Variants in CLMP observed in about 807,000 individuals in gnomAD.
The protein encoded by CLMP is CXADR like cell adhesion molecule.
CLMP carries 27 observed loss-of-function variants against 45.2 expected under a neutral mutation model. The ratio of observed to expected loss-of-function variants is 0.60; its 90% confidence interval spans 0.44 to 0.82. The LOEUF (loss-of-function observed/expected upper bound fraction) is 0.82, where lower values mean the gene tolerates loss of function less well. Among genes scored for constraint, CLMP ranks in the 40% least tolerant of loss-of-function variants. The probability of loss-of-function intolerance (pLI) is 0.00; values close to 1 mark genes in which losing one functional copy is unlikely to be tolerated. For missense variants in CLMP, 403 were observed against 448.4 expected, an observed-to-expected ratio of 0.90 and a Z score of 0.91; for synonymous variants, 167 against 171.4, an observed-to-expected ratio of 0.97 and a Z score of 0.20.
chr11:123,128,881 T>C (rs1415861686), intron 1 of CLMP, among the ~76,000 whole-genome samples: 1 of 152,122 alleles, frequency 6.6e-6, no homozygotes, highest in Non-Finnish European at 1.5e-5. Flanking sequence ...CACAACCCCA[T>C]ACAATAGGTA....
rs1246871004 is a variant in CLMP at position 123,152,456 on chromosome 11, G to A, written c.28+42457C>T. The stretch of plus-strand genomic sequence containing the variant: ...GAGAATCACTTGAACCCGGGAGGTA[G>A]AGGTTGCAGTGAGCCGAGATCGTGC... On this transcript the variant is annotated intron_variant, in intron 1 of 6. Transcript: ENST00000448775. Among the ~76,000 whole-genome samples the A allele has an allele frequency of 4.6e-5, 7 of 152,144 alleles. No individual in the cohort carries two copies. The East Asian group carries it at 9.7e-4, about 21-fold the overall frequency.
At chr11:123,123,282 C>CA (rs1169138488) in intron 1 of CLMP, among the ~76,000 whole-genome samples, 3 of 106,324 alleles carry the variant, frequency 2.8e-5, no homozygotes, top group African/African-American at 4.1e-5. Context: ...TTTTTTAAGA[C>CA]AGAGTCTTGC....
chr11:123,110,252 G>C (rs1238019012), intron 1 of CLMP, among the ~76,000 whole-genome samples: 1 of 151,988 alleles, frequency 6.6e-6, no homozygotes, highest in Admixed American at 6.6e-5. Flanking sequence ...TCAGGAGTTC[G>C]AGACCAGCCT....
In CLMP at chr11:123,070,003, C is replaced by T. The variant is rs144205277; in HGVS notation, c.*3471G>A. 4 of 152,166 alleles carry T rather than the reference C, an allele frequency of 2.6e-5. No individual in the cohort carries two copies. Among genetic ancestry groups the T allele is most frequent in the African/African-American group, 9.7e-5 (4 of 41,444 alleles). The allele number at this position is 152,166 out of a possible 1,614,324, so 9.4% of individuals were successfully genotyped here. ...GTTAAAACTGAAACTGAAATATAAA[C>T]AGCTTAACACCAGAAGGAAGCAAAA... On this transcript the variant is annotated 3_prime_UTR_variant, in exon 7 of 7. Transcript: ENST00000448775.
At chr11:123,129,754 C>G (rs964063682) in intron 1 of CLMP, among the ~76,000 whole-genome samples, 2 of 148,330 alleles carry the variant, frequency 1.3e-5, no homozygotes, top group Non-Finnish European at 3.0e-5. Context: ...CATTTGACCA[C>G]TTTATCTTAT....
intron 1 of CLMP, among the ~76,000 whole-genome samples, chr11:123,167,877 G>C (rs1322020560): frequency 2.6e-5 from 4 of 152,224 alleles, no homozygotes; most frequent in African/African-American, 9.6e-5. Flanking sequence ...AAGGAAGCTT[G>C]TGTGGATGAG....
rs568423818 is a variant in CLMP, at chr11:123,098,045, G to A, written c.29-93C>T. ...CAACAAAGAATTATGGGATGTTCCCGTGGGCAAGTGCATGTGGAGGGGTTG... is the reference window on the plus strand; with the variant it reads ...CAACAAAGAATTATGGGATGTTCCCATGGGCAAGTGCATGTGGAGGGGTTG... On this transcript the variant is annotated intron_variant, in intron 1 of 6. Transcript: ENST00000448775. 103 of 1,094,838 alleles carry A rather than the reference G, an allele frequency of 9.4e-5. 1 individual carries two copies. In the African/African-American group the frequency reaches 1.4e-3, roughly 15 times the overall value. The allele number at this position is 1,094,838 out of a possible 1,614,324, so 67.8% of individuals were successfully genotyped here.
At position 123,129,358 on chromosome 11, in the gene CLMP, G is replaced by GAT. The variant is rs1466778057; in HGVS notation, c.29-31408_29-31407dup. ...TACATATATATAAAATATATCATAT[G>GAT]ATATATTATATAAAATATATATCAT... On this transcript the variant is annotated intron_variant, in intron 1 of 6. Transcript: ENST00000448775. Among the ~76,000 whole-genome samples, 4 of 115,968 alleles carry GAT rather than the reference G, an allele frequency of 3.4e-5. No individual in the cohort carries two copies. In the East Asian group the frequency reaches 6.9e-4, roughly 20 times the overall value. 76.1% of individuals were successfully genotyped at this position (115,968 alleles called of 152,430 possible).
intron 5 of CLMP, among the ~76,000 whole-genome samples, chr11:123,078,418 C>G (rs1288118509): frequency 4.6e-5 from 7 of 152,036 alleles, no homozygotes; most frequent in Admixed American, 3.3e-4. Flanking sequence ...AGTTAGAAAC[C>G]TGGATTATGG....
intron 2 of CLMP, among the ~76,000 whole-genome samples, chr11:123,092,712 C>T (rs1431572334): frequency 6.6e-6 from 1 of 152,020 alleles, no homozygotes; most frequent in Non-Finnish European, 1.5e-5. Context: ...ATTCTTCTGC[C>T]TCAGCCTCCC....
At chr11:123,162,377 G>C (rs957357091) in intron 1 of CLMP, among the ~76,000 whole-genome samples, 5 of 152,138 alleles carry the variant, frequency 3.3e-5, no homozygotes, top group Non-Finnish European at 7.3e-5. Flanking sequence ...AATGATTTGA[G>C]GTGGTTTATA....
At chr11:123,104,018 C>T (rs1371450847) in intron 1 of CLMP, among the ~76,000 whole-genome samples, 3 of 150,204 alleles carry the variant, frequency 2.0e-5, no homozygotes, top group Non-Finnish European at 3.0e-5. Context: ...TTAGTAGAGA[C>T]GGGATTTCAC....
In CLMP at chr11:123,125,454, CCCTCCCTCCCTCCTCCCTCCCT is replaced by C. The variant is rs374342811; in HGVS notation, c.29-27524_29-27503del. 5.6e-5 allele frequency among the ~76,000 whole-genome samples: 5 copies of C among 89,756 alleles called. No homozygotes were observed. The South Asian group carries it at 2.1e-3, about 38-fold the overall frequency. 58.9% of individuals were successfully genotyped at this position (89,756 alleles called of 152,430 possible). ...CGTTCCCCAGCACTCACTCTCCCTT[CCCTCCCTCCCTCCTCCCTCCCT>C]CCTCCCTCCCTCCTTCCTCCCTTCT... On this transcript the variant is annotated intron_variant, in intron 1 of 6. Coordinates refer to ENST00000448775, the MANE Select transcript of CLMP (RefSeq NM_024769.5).
At chr11:123,190,187 T>C (rs981250798) in intron 1 of CLMP, among the ~76,000 whole-genome samples, 2 of 152,144 alleles carry the variant, frequency 1.3e-5, no homozygotes, top group Non-Finnish European at 2.9e-5. Flanking sequence ...GATCGGGCCA[T>C]CACCCTGAAC....
intron 1 of CLMP, among the ~76,000 whole-genome samples, chr11:123,167,576 C>T (rs957736661): frequency 8.6e-5 from 13 of 151,990 alleles, no homozygotes; most frequent in East Asian, 1.9e-4. Flanking sequence ...TGAGCCACCA[C>T]GCCCCGCCGA....
At chr11:123,137,759 C>G (rs12283311) in intron 1 of CLMP, among the ~76,000 whole-genome samples, 35,148 of 152,064 alleles carry the variant, frequency 0.23, 4,160 homozygotes, top group African/African-American at 0.27. Context: ...GTTGGGCGCC[C>G]CGAAGCTGCT....
chr11:123,154,834 C>T (rs950009261), intron 1 of CLMP, among the ~76,000 whole-genome samples: 6 of 152,074 alleles, frequency 3.9e-5, no homozygotes, highest in Non-Finnish European at 7.4e-5. Flanking sequence ...AGTTATACAT[C>T]CTTTTGATGA....
chr11:123,188,933 T>C (rs1861867488), intron 1 of CLMP: 1 of 152,156 alleles, frequency 6.6e-6, no homozygotes, highest in Non-Finnish European at 1.5e-5. Context: ...AAGCAACATA[T>C]GAGGTGAGTC....
In CLMP at chr11:123,126,854, G is replaced by A. The variant is rs554902536; in HGVS notation, c.29-28902C>T. On this transcript the variant is annotated intron_variant, in intron 1 of 6. Transcript: ENST00000448775. ...GGAGCTTGCAGTGAACCAGGATGGCGCTACTGCACTCCAGCCTGGGCGAGA... is the reference window on the plus strand; with the variant it reads ...GGAGCTTGCAGTGAACCAGGATGGCACTACTGCACTCCAGCCTGGGCGAGA... Among the ~76,000 whole-genome samples, 605 of 151,556 alleles carry A rather than the reference G, an allele frequency of 4.0e-3. 1 individual carries two copies. Among genetic ancestry groups the A allele is most frequent in the Non-Finnish European group, 6.8e-3 (464 of 67,926 alleles).
Sources: gnomAD v4.1 joint callset for allele counts (sites outside exome capture counted in the v4.1 genomes callset) on GRCh38, gnomAD v4.1.1 for gene constraint, MANE v1.5 for transcripts, NCBI Gene and HGNC (gene_info 2026-07-23, HGNC 2026-07-21) for gene names.